Variants in CLRN1 observed in about 807,000 individuals in gnomAD.
CLRN1 encodes the protein clarin 1, also known as clarin-1.
CLRN1 carries 15 observed loss-of-function variants against 18.7 expected under a neutral mutation model. The observed-to-expected ratio is 0.80, with a 90% CI of 0.54 to 1.23. The LOEUF is 1.23. Among genes scored for constraint, CLRN1 ranks in the 50% most tolerant of loss-of-function variants. The probability of loss-of-function intolerance (pLI) is 0.00; values close to 1 mark genes in which losing one functional copy is unlikely to be tolerated. For missense variants in CLRN1, 311 were observed against 277.5 expected (o/e 1.12, Z -0.86); for synonymous variants, 104 against 102.9 (o/e 1.01, Z -0.07).
In CLRN1 at chr3:150,943,802, G is replaced by A. The variant is rs531424107; in HGVS notation, c.254-2041C>T. On this transcript the variant is annotated intron_variant, in intron 1 of 2. Coordinates refer to ENST00000327047, the MANE Select transcript of CLRN1 (RefSeq NM_174878.3). ...TGTAACACACCCTCTGGGGCCCTGG[G>A]GTTGCAGGCACCCCTACCTGGTTGC... 7.7e-5 allele frequency: 125 copies of A among 1,614,074 alleles called. No homozygotes were observed. In the East Asian group the frequency reaches 2.5e-3, roughly 33 times the overall value.
intron 2 of CLRN1, among the ~76,000 whole-genome samples, chr3:150,929,432 G>C (rs893815934): frequency 7.2e-5 from 11 of 152,122 alleles, no homozygotes; most frequent in African/African-American, 2.7e-4. Context: ...ACCACAATAG[G>C]GTTCCAGTTA....
chr3:150,951,131 G>T (rs1714461923), intron 1 of CLRN1, among the ~76,000 whole-genome samples: 1 of 152,072 alleles, frequency 6.6e-6, no homozygotes, highest in African/African-American at 2.4e-5. Context: ...AACAGACACT[G>T]GGATCTTCTT....
intron 1 of CLRN1, chr3:150,945,563 T>A: frequency 7.8e-7 from 1 of 1,286,956 alleles, no homozygotes; most frequent in South Asian, 1.2e-5. Context: ...ATAGGGAGCA[T>A]CCTCTTCGTA....
intron 1 of CLRN1, among the ~76,000 whole-genome samples, chr3:150,943,596 C>A (rs1713983019): frequency 6.6e-6 from 1 of 152,222 alleles, no homozygotes; most frequent in Non-Finnish European, 1.5e-5. Flanking sequence ...ATCTGTGTGA[C>A]CCCATTCTTC....
chr3:150,948,592 C>A (rs1714311362), intron 1 of CLRN1, among the ~76,000 whole-genome samples: 1 of 148,570 alleles, frequency 6.7e-6, no homozygotes, highest in African/African-American at 2.5e-5. Flanking sequence ...CATATGCACA[C>A]AAACTAGAAA....
At chr3:150,935,131 TTTTTATTTTA>T (rs887020752) in intron 2 of CLRN1, among the ~76,000 whole-genome samples, 51 of 71,482 alleles carry the variant, frequency 7.1e-4, no homozygotes, top group South Asian at 6.9e-3. Context: ...AATTTTTGTT[TTTTTATTTTA>T]TTTTATTTTA....
intron 2 of CLRN1, among the ~76,000 whole-genome samples, chr3:150,936,941 C>A (rs1713526565): frequency 6.6e-6 from 1 of 152,278 alleles, no homozygotes; most frequent in South Asian, 2.1e-4. Flanking sequence ...AGCTTTAGAA[C>A]TCAGCTATTG....
At position 150,928,160 on chromosome 3, in the gene CLRN1, CT is replaced by C; in HGVS notation, c.474del (p.Val159Ter). The C allele has an allele frequency of 1.2e-6, 2 of 1,614,006 alleles. No individual in the cohort carries two copies. Among genetic ancestry groups the C allele is most frequent in the Non-Finnish European group, 1.7e-6 (2 of 1,179,996 alleles). ...TTTTCTGAGAGGTGATGGATTTTCA[CT>C]TCAGAGGCAAACAATATCATGACAA... ...GCLVMILFASEVKIHHLSEKI... is the reference protein window; with the variant it reads ...GCLVMILFASXVKIHHLSEKI... On this transcript the variant is annotated frameshift_variant, in exon 3 of 3. Transcript: ENST00000327047. LOFTEE classifies it high-confidence loss of function.
intron 1 of CLRN1, among the ~76,000 whole-genome samples, chr3:150,971,641 C>G (rs1715538225): frequency 6.6e-6 from 1 of 152,104 alleles, no homozygotes; most frequent in Non-Finnish European, 1.5e-5. Context: ...CCAAACCAGC[C>G]CTTCTGAAAT....
At chr3:150,944,002 A>T in intron 1 of CLRN1, 1 of 1,198,268 alleles carries the variant, frequency 8.3e-7, no homozygotes, top group Non-Finnish European at 1.2e-6. Flanking sequence ...CTGCATCAAC[A>T]ACAAGATAGT....
chr3:150,964,255 C>T (rs1240515122), intron 1 of CLRN1, among the ~76,000 whole-genome samples: 5 of 152,048 alleles, frequency 3.3e-5, no homozygotes, highest in African/African-American at 4.8e-5. Flanking sequence ...AGGATATGAA[C>T]GGACACTTCT....
intron 2 of CLRN1, among the ~76,000 whole-genome samples, chr3:150,930,388 A>G (rs1271497444): frequency 6.6e-6 from 1 of 152,156 alleles, no homozygotes; most frequent in African/African-American, 2.4e-5. Flanking sequence ...AGCAGAAAAG[A>G]CAACATCACA....
At chr3:150,943,855 C>T (rs199703098) in intron 1 of CLRN1, 24 of 1,614,064 alleles carry the variant, frequency 1.5e-5, no homozygotes, top group Non-Finnish European at 2.0e-5. Context: ...GGAGTTTACT[C>T]CTCACAGCAC....
At chr3:150,967,596 C>G (rs1715323968) in intron 1 of CLRN1, among the ~76,000 whole-genome samples, 2 of 152,306 alleles carry the variant, frequency 1.3e-5, no homozygotes, top group East Asian at 3.9e-4. Context: ...TACACACCCC[C>G]ATACCTGCTT....
At chr3:150,965,149 A>G (rs1715205826) in intron 1 of CLRN1, among the ~76,000 whole-genome samples, 1 of 152,216 alleles carries the variant, frequency 6.6e-6, no homozygotes, top group Non-Finnish European at 1.5e-5. Context: ...GGCAAAATGT[A>G]GCAGAGGAAG....
intron 2 of CLRN1, among the ~76,000 whole-genome samples, chr3:150,938,028 C>T (rs1713597656): frequency 6.6e-6 from 1 of 152,120 alleles, no homozygotes; most frequent in African/African-American, 2.4e-5. Flanking sequence ...GTCTTGGGTG[C>T]CCATCCAGCA....
chr3:150,950,998 T>C (rs995401464), intron 1 of CLRN1, among the ~76,000 whole-genome samples: 13 of 152,266 alleles, frequency 8.5e-5, no homozygotes, highest in Admixed American at 2.6e-4. Context: ...TGCAGGAAGA[T>C]AGATGGAGTT....
At position 150,957,624 on chromosome 3, in the gene CLRN1, T is replaced by A. The variant is rs1323822286; in HGVS notation, c.253+14832A>T. Among the ~76,000 whole-genome samples the A allele has an allele frequency of 1.3e-5, 2 of 152,286 alleles. 1 individual carries two copies. Among genetic ancestry groups the A allele is most frequent in the South Asian group, 4.1e-4 (2 of 4,824 alleles). On this transcript the variant is annotated intron_variant, in intron 1 of 2. Transcript: ENST00000327047. ...AGTCTCCCCTCTCTACCCATTCATA[T>A]TAGTGTTTTCTAGGACACATCTTTG...
chr3:150,944,591 G>A (rs967900544), intron 1 of CLRN1, among the ~76,000 whole-genome samples: 8 of 151,810 alleles, frequency 5.3e-5, no homozygotes, highest in Non-Finnish European at 1.2e-4. Context: ...CGGGTGCGGT[G>A]GCTCACGCCT....
Sources: allele counts gnomAD v4.1 joint callset (sites outside exome capture counted in the v4.1 genomes callset), GRCh38; gene constraint gnomAD v4.1.1; transcripts MANE v1.5; gene names NCBI Gene and HGNC (gene_info 2026-07-23, HGNC 2026-07-21).